Variants in THEMIS2 observed in about 807,000 individuals in gnomAD.
THEMIS2 encodes the protein thymocyte selection associated family member 2.
THEMIS2 carries 29 observed loss-of-function variants against 46.8 expected under a neutral mutation model. The ratio of observed to expected loss-of-function variants is 0.62; its 90% CI spans 0.46 to 0.84. THEMIS2 has a LOEUF of 0.84. Among genes scored for constraint, THEMIS2 ranks in the 40% least tolerant of loss-of-function variants. The pLI is 0.00. For missense variants in THEMIS2, 698 were observed against 834.7 expected, an observed-to-expected ratio of 0.84 and a Z score of 2.02; for synonymous variants, 335 against 349.1, an observed-to-expected ratio of 0.96 and a Z score of 0.45.
chr1:27,875,090 T>C (rs2148631486), intron 1 of THEMIS2, among the ~76,000 whole-genome samples: 1 of 152,148 alleles, frequency 6.6e-6, no homozygotes, highest in East Asian at 1.9e-4. Context: ...GCAATTCTCC[T>C]GCCTCAGCCT....
rs761212276 is a variant in THEMIS2, at chr1:27,876,649, C to T, written c.156C>T (p.Val52=). Residue 52 remains valine (V), a synonymous_variant, in exon 2 of 6, where the codon GTC becomes GTT. Transcript: ENST00000373921. The stretch of plus-strand genomic sequence containing the variant: ...TCTCCACGGGGGACCTGATCAAGGT[C>T]ACCCAGGTCCGCCTCCAGAAGGTGG... The part of the protein sequence containing the change: ...CCLSTGDLIK[V]TQVRLQKVVC... 10 of 1,613,946 alleles carry T rather than the reference C, an allele frequency of 6.2e-6. No individual in the cohort carries two copies. In the South Asian group the frequency reaches 1.1e-4, roughly 18 times the overall value.
chr1:27,880,876 C>T (rs1158026616), intron 3 of THEMIS2, among the ~76,000 whole-genome samples: 1 of 151,958 alleles, frequency 6.6e-6, no homozygotes, highest in African/African-American at 2.4e-5. Context: ...CTCCCAGGTT[C>T]AAGCGATTCT....
chr1:27,878,111 ACT>A lies in THEMIS2; in HGVS notation c.235+1386_235+1387del, dbSNP rs1170013399. On this transcript the variant is annotated intron_variant, in intron 2 of 5. Coordinates refer to ENST00000373921, the MANE Select transcript of THEMIS2 (RefSeq NM_001105556.3). Reference sequence around the variant, plus strand: ...GTTGCAGCCTGTGCAATAGAGAGAGACTCTGTCTCTCAAAAAAAAAAAAAAAA... The same window carrying A: ...GTTGCAGCCTGTGCAATAGAGAGAGACTGTCTCTCAAAAAAAAAAAAAAAA... Among the ~76,000 whole-genome samples the A allele has an allele frequency of 1.6e-5, 2 of 123,654 alleles. 1 individual carries two copies. The highest frequency in any genetic ancestry group is 3.2e-5 in the Non-Finnish European group (2 of 62,202). 81.1% of individuals were successfully genotyped at this position (123,654 alleles called of 152,430 possible). A position where few individuals can be genotyped will look rare whatever the true frequency, so the allele number is the denominator to read the frequency against.
At chr1:27,873,169 C>T (rs2089517989) in intron 1 of THEMIS2, among the ~76,000 whole-genome samples, 1 of 152,132 alleles carries the variant, frequency 6.6e-6, no homozygotes, top group South Asian at 2.1e-4. Context: ...CTTCAGTTCT[C>T]AGCTTAAATG....
chr1:27,885,547 C>A, intron 5 of THEMIS2, 96 bp downstream of exon 5: 3 of 1,445,126 alleles, frequency 2.1e-6, no homozygotes, highest in Non-Finnish European at 2.8e-6. Flanking sequence ...CAGGGACAGA[C>A]CCTTCTATGG....
intron 3 of THEMIS2, 77 bp from the exon 4 acceptor site, chr1:27,881,894 C>A: frequency 8.0e-7 from 1 of 1,242,788 alleles, no homozygotes; most frequent in Non-Finnish European, 1.1e-6. Flanking sequence ...CCAGCCGGCC[C>A]AGCCAATGCT....
rs1409128651 is a variant in THEMIS2, at chr1:27,876,240, A to G, written c.95-348A>G. Among the ~76,000 whole-genome samples the G allele has an allele frequency of 8.6e-5, 13 of 151,492 alleles. 1 individual carries two copies. The highest frequency in any genetic ancestry group is 8.5e-4 in the Admixed American group (13 of 15,234). ...CTCAGAGAGGGGGATTCACTGGGTTATTTACTGATTTGTGGACTTACCACA... is the reference window on the plus strand; with the variant it reads ...CTCAGAGAGGGGGATTCACTGGGTTGTTTACTGATTTGTGGACTTACCACA... On this transcript the variant is annotated intron_variant, in intron 1 of 5. Coordinates refer to ENST00000373921, the MANE Select transcript of THEMIS2 (RefSeq NM_001105556.3).
chr1:27,880,089 G>A, intron 3 of THEMIS2, 35 bp downstream of exon 3: 1 of 1,546,868 alleles, frequency 6.5e-7, no homozygotes, highest in Non-Finnish European at 8.8e-7. Flanking sequence ...CGCGCTGCTG[G>A]GGGAGAGAAA....
chr1:27,875,957 C>T (rs972049552), intron 1 of THEMIS2, among the ~76,000 whole-genome samples: 2 of 151,996 alleles, frequency 1.3e-5, no homozygotes, highest in Non-Finnish European at 2.9e-5. Context: ...CCACCTTGGC[C>T]CCCCAAAGTG....
intron 4 of THEMIS2, 30 bp from the exon 5 acceptor site, chr1:27,885,265 C>T (rs183024802): frequency 2.5e-5 from 40 of 1,611,264 alleles, no homozygotes; most frequent in Non-Finnish European, 2.4e-5. Flanking sequence ...TTTCTTGAGA[C>T]CCTGATGATT....
chr1:27,884,566 CCTT>C (rs1245837237), intron 4 of THEMIS2: 4 of 152,284 alleles, frequency 2.6e-5, no homozygotes, highest in Non-Finnish European at 5.9e-5. Context: ...AACCGACAGA[CCTT>C]AGCCCGTGTC....
chr1:27,879,949 G>C lies in THEMIS2; in HGVS notation c.541G>C (p.Val181Leu). 6.2e-7 allele frequency: 1 copy of C among 1,612,018 alleles called. No homozygotes were observed. Among genetic ancestry groups the C allele is most frequent in the South Asian group, 1.1e-5 (1 of 90,734 alleles). The change falls in exon 3 of 6, where the codon GTC (valine) becomes CTC (leucine). Residue 181 changes from valine (V) to leucine (L), a missense_variant. Transcript: ENST00000373921. ...EPSAPRTLLQ[V>L]LQDPALKDLV... The stretch of plus-strand genomic sequence containing the variant: ...TAGTGCCCCTCGAACTCTGCTCCAG[G>C]TCCTACAGGATCCAGCCCTGAAAGA...
chr1:27,872,815 C>A lies in THEMIS2; in HGVS notation c.94+150C>A. The A allele has an allele frequency of 1.6e-6, 1 of 632,414 alleles. No homozygotes were observed. The highest frequency in any genetic ancestry group is 2.3e-6 in the Non-Finnish European group (1 of 431,406). 39.2% of individuals were successfully genotyped at this position (632,414 alleles called of 1,614,324 possible). On this transcript the variant is annotated intron_variant, in intron 1 of 5. Transcript: ENST00000373921. This position sits in a 1 kb window ranked among gnomAD's most constrained non-coding sequence, Gnocchi z 4.9. ...AAGCTGTGTGATTTGGGGCCGCACT[C>A]AACCTCTTTGGACCTCGGCTTTTGC...
In THEMIS2 at chr1:27,882,353, AGGCC is replaced by A; in HGVS notation, c.1034_1037del (p.Arg345HisfsTer53). The A allele has an allele frequency of 1.9e-6, 3 of 1,582,262 alleles. No individual in the cohort carries two copies. The highest frequency in any genetic ancestry group is 2.6e-6 in the Non-Finnish European group (3 of 1,161,424). ...ATGACCTCCTAGGTGCTTTCCAGCC[AGGCC>A]GGCCACTCCGGGTGGTGGCCACAAA... On this transcript the variant is annotated frameshift_variant, in exon 4 of 6. Coordinates refer to ENST00000373921, the MANE Select transcript of THEMIS2 (RefSeq NM_001105556.3). LOFTEE classifies it high-confidence loss of function. The surrounding 1 kb of genome is among the most constrained non-coding windows in gnomAD (Gnocchi z 7.6).
Position 27,875,711 on chromosome 1 carries a change from T to A in THEMIS2, c.95-877T>A, listed in dbSNP as rs528142446. On this transcript the variant is annotated intron_variant, in intron 1 of 5. Transcript: ENST00000373921. Reference sequence around the variant, plus strand: ...AATTAATTTATTTTTATTTATTATTTTTTTTTTGAGACGGAGTCTCACTCT... The same window carrying A: ...AATTAATTTATTTTTATTTATTATTATTTTTTTGAGACGGAGTCTCACTCT... Among the ~76,000 whole-genome samples, 131 of 152,200 alleles carry A rather than the reference T, an allele frequency of 8.6e-4. 3 individuals are homozygous for A. In the South Asian group the frequency reaches 0.021, roughly 25 times the overall value.
At chr1:27,881,378 G>C (rs965603189) in intron 3 of THEMIS2, among the ~76,000 whole-genome samples, 4 of 151,544 alleles carry the variant, frequency 2.6e-5, no homozygotes, top group Non-Finnish European at 5.9e-5. Flanking sequence ...GTGAACCCAG[G>C]GGCTAGAGCT....
At chr1:27,875,662 C>T (rs529928601) in intron 1 of THEMIS2, among the ~76,000 whole-genome samples, 9 of 152,140 alleles carry the variant, frequency 5.9e-5, no homozygotes, top group African/African-American at 2.2e-4. Context: ...TCTGTGTTCT[C>T]GACACCACTT....
At chr1:27,874,659 G>A (rs1557445100) in intron 1 of THEMIS2, among the ~76,000 whole-genome samples, 1 of 151,174 alleles carries the variant, frequency 6.6e-6, no homozygotes, top group Non-Finnish European at 1.5e-5. Context: ...GTGCATGCCT[G>A]TAGTCTCAGC....
At chr1:27,876,262 C>T (rs901165079) in intron 1 of THEMIS2, among the ~76,000 whole-genome samples, 1 of 151,822 alleles carries the variant, frequency 6.6e-6, no homozygotes, top group African/African-American at 2.4e-5. Flanking sequence ...GTGGACTTAC[C>T]ACATACTCAG....
Sources: allele counts gnomAD v4.1 joint callset (sites outside exome capture counted in the v4.1 genomes callset), GRCh38; gene constraint gnomAD v4.1.1; non-coding constraint Gnocchi (gnomAD v3.1); transcripts MANE v1.5; gene names NCBI Gene and HGNC (gene_info 2026-07-23, HGNC 2026-07-21).